AAK1: variants seen among roughly 807,000 people sequenced by gnomAD.
AAK1 encodes the protein AP2 associated kinase 1, also known as AP2-associated protein kinase 1.
AAK1 carries 37 observed loss-of-function variants against 116.0 expected under a neutral mutation model. The ratio of observed to expected loss-of-function variants is 0.32; its 90% CI spans 0.25 to 0.42. AAK1 has a LOEUF of 0.42. AAK1 is among the 10% of genes least tolerant of loss of function. The pLI, the probability that AAK1 is intolerant of heterozygous loss-of-function variation, is 1.00. For missense variants in AAK1, 919 were observed against 1,170.6 expected (o/e 0.79, Z 3.14); for synonymous variants, 458 against 439.9 (o/e 1.04, Z -0.51).
chr2:69,567,790 G>A (rs1671938813), intron 2 of AAK1, among the ~76,000 whole-genome samples: 1 of 152,162 alleles, frequency 6.6e-6, no homozygotes, highest in Non-Finnish European at 1.5e-5. Context: ...GAACTTTAAG[G>A]GGAGCTTCAC....
At chr2:69,536,640 G>A (rs1572935095) in intron 5 of AAK1, among the ~76,000 whole-genome samples, 3 of 152,166 alleles carry the variant, frequency 2.0e-5, no homozygotes, top group Admixed American at 2.0e-4. Context: ...GTGCGATGCT[G>A]CTGACCCCAT....
At position 69,466,499 on chromosome 2, in the gene AAK1, T is replaced by C. The variant is rs1425861837; in HGVS notation, c.*9370A>G. On this transcript the variant is annotated 3_prime_UTR_variant, in exon 22 of 22. Transcript: ENST00000409085. ...GAAGGCCTTTAACACCCAGTGATTC[T>C]TTAAAGTGCTCTACAGTTATTACAG... The C allele has an allele frequency of 3.2e-6, 4 of 1,250,832 alleles. No individual in the cohort carries two copies. The African/African-American group carries it at 6.2e-5, about 19-fold the overall frequency. The allele number at this position is 1,250,832 out of a possible 1,614,324, so 77.5% of individuals were successfully genotyped here.
Position 69,518,664 on chromosome 2 carries a change from G to A in AAK1, c.1497+290C>T, listed in dbSNP as rs555342961. ...GATCTCTTGACCTCGTGATCCACCT[G>A]TCTCGGCCTCCCAAAGTGCTGGGAT... On this transcript the variant is annotated intron_variant, in intron 12 of 21. Coordinates refer to ENST00000409085, the MANE Select transcript of AAK1 (RefSeq NM_014911.5). Among the ~76,000 whole-genome samples the A allele has an allele frequency of 1.2e-3, 181 of 152,176 alleles. 1 individual carries two copies. Among genetic ancestry groups the A allele is most frequent in the African/African-American group, 4.2e-3 (175 of 41,528 alleles).
At chr2:69,568,425 C>CTTT (rs61271799) in intron 2 of AAK1, among the ~76,000 whole-genome samples, 2 of 122,208 alleles carry the variant, frequency 1.6e-5, no homozygotes, top group East Asian at 2.4e-4. Context: ...ATGTTTTCAA[C>CTTT]TTTTTTTTTT....
intron 2 of AAK1, among the ~76,000 whole-genome samples, chr2:69,559,861 T>C (rs895513633): frequency 1.1e-4 from 16 of 152,214 alleles, no homozygotes; most frequent in African/African-American, 1.9e-4. Context: ...ATGCTGCAAT[T>C]TGAGATAACT....
chr2:69,598,859 C>A, intron 2 of AAK1: 1 of 262,566 alleles, frequency 3.8e-6, no homozygotes, highest in South Asian at 4.1e-5. Context: ...GGATGTCTGT[C>A]AACTCAGATG....
At chr2:69,640,693 C>G (rs1351639746) in intron 2 of AAK1, among the ~76,000 whole-genome samples, 1 of 152,132 alleles carries the variant, frequency 6.6e-6, no homozygotes, top group Admixed American at 6.5e-5. Flanking sequence ...CCAAAGAACA[C>G]AAAAAGGGCG....
chr2:69,524,677 C>T (rs1048764711), intron 10 of AAK1, among the ~76,000 whole-genome samples: 31 of 152,102 alleles, frequency 2.0e-4, no homozygotes, highest in African/African-American at 7.0e-4. Flanking sequence ...AGGTGATCTA[C>T]CCTCCTAGGC....
chr2:69,497,429 G>C (rs1239317614), intron 16 of AAK1, among the ~76,000 whole-genome samples: 1 of 149,224 alleles, frequency 6.7e-6, no homozygotes, highest in Non-Finnish European at 1.5e-5. Context: ...AGCCTCCCGA[G>C]TAGCTGGGAT....
At chr2:69,494,020 T>C (rs1034272164) in intron 17 of AAK1, among the ~76,000 whole-genome samples, 5 of 152,266 alleles carry the variant, frequency 3.3e-5, no homozygotes, top group Admixed American at 6.5e-5. Flanking sequence ...CTCAGTGATA[T>C]GAGAATTCAC....
intron 2 of AAK1, among the ~76,000 whole-genome samples, chr2:69,618,289 G>A (rs988981132): frequency 6.6e-6 from 1 of 151,840 alleles, no homozygotes; most frequent in East Asian, 1.9e-4. Context: ...TAAAATACAT[G>A]CAAAATAAAA....
In AAK1 at chr2:69,525,115, A is replaced by G; in HGVS notation, c.976-3T>C. The stretch of plus-strand genomic sequence containing the variant: ...AGCTTTGCAGGAATGGGAGAGTTCT[A>G]TAGAATTGCAAACAAAACAGAACAA... On this transcript the variant is annotated splice_region_variant and splice_polypyrimidine_tract_variant and intron_variant, in intron 9 of 21. Transcript: ENST00000409085. 1 of 1,613,722 alleles carries G rather than the reference A, an allele frequency of 6.2e-7. No individual in the cohort carries two copies.
chr2:69,476,642 G>A lies in AAK1; in HGVS notation c.2791+238C>T, dbSNP rs192172502. Among the ~76,000 whole-genome samples, 202 of 152,218 alleles carry A rather than the reference G, an allele frequency of 1.3e-3. 1 individual carries two copies. Among genetic ancestry groups the A allele is most frequent in the Admixed American group, 3.3e-3 (50 of 15,298 alleles). On this transcript the variant is annotated intron_variant, in intron 21 of 21. Coordinates refer to ENST00000409085, the MANE Select transcript of AAK1 (RefSeq NM_014911.5). ...AAGATCATTTTGCTTTTGGCTTCATGGTAAAAACTAACTTTTGGCCAACTG... is the reference window on the plus strand; with the variant it reads ...AAGATCATTTTGCTTTTGGCTTCATAGTAAAAACTAACTTTTGGCCAACTG...
chr2:69,576,928 C>T (rs922161251), intron 2 of AAK1, among the ~76,000 whole-genome samples: 1 of 152,202 alleles, frequency 6.6e-6, no homozygotes, highest in African/African-American at 2.4e-5. Flanking sequence ...TATCATTCTC[C>T]ACGGCATTAA....
intron 5 of AAK1, among the ~76,000 whole-genome samples, chr2:69,538,215 T>G (rs1220796678): frequency 6.6e-6 from 1 of 152,246 alleles, no homozygotes; most frequent in Non-Finnish European, 1.5e-5. Flanking sequence ...TTAGGAGCAC[T>G]GAGGTGCAAG....
At chr2:69,542,757 G>A in intron 4 of AAK1, 92 bp from the exon 5 acceptor site, 17 of 1,436,870 alleles carry the variant, frequency 1.2e-5, no homozygotes, top group Non-Finnish European at 1.5e-5. Flanking sequence ...AAGAGAAGCA[G>A]TCTGGACTAA....
intron 3 of AAK1, among the ~76,000 whole-genome samples, chr2:69,553,594 C>G (rs982596464): frequency 6.6e-6 from 1 of 151,744 alleles, no homozygotes; most frequent in Non-Finnish European, 1.5e-5. Flanking sequence ...CAGGCACGCA[C>G]TGCCATGCCC....
At chr2:69,558,457 T>G (rs987066607) in intron 2 of AAK1, among the ~76,000 whole-genome samples, 6 of 152,134 alleles carry the variant, frequency 3.9e-5, no homozygotes, top group African/African-American at 2.4e-5. Context: ...CCTAAAGCAC[T>G]GTATGAGGTG....
At position 69,470,915 on chromosome 2, in the gene AAK1, A is replaced by C. The variant is rs1674654123; in HGVS notation, c.*4954T>G. 2.0e-6 allele frequency: 2 copies of C among 985,702 alleles called. No homozygotes were observed. The highest frequency in any genetic ancestry group is 4.7e-5 in the South Asian group (1 of 21,284). 61.1% of individuals were successfully genotyped at this position (985,702 alleles called of 1,614,324 possible). On this transcript the variant is annotated 3_prime_UTR_variant, in exon 22 of 22. Transcript: ENST00000409085. ...TAAGTTATTTACATCTCTAAACATC[A>C]TGCTCCCATTTGAACAGATAAAAGT...
Sources: gnomAD v4.1 joint callset for allele counts (sites outside exome capture counted in the v4.1 genomes callset) on GRCh38, gnomAD v4.1.1 for gene constraint, MANE v1.5 for transcripts, NCBI Gene and HGNC (gene_info 2026-07-23, HGNC 2026-07-21) for gene names.